Variants in ASB3 observed in about 807,000 individuals in gnomAD.
ASB3 encodes ankyrin repeat and SOCS box protein 3.
Under a neutral mutation model 54.5 loss-of-function variants are expected in ASB3, and 41 were observed. The observed-to-expected ratio is 0.75, with a 90% CI of 0.59 to 0.98. ASB3 has a LOEUF of 0.98. ASB3 is among the 50% of genes least tolerant of loss of function. The pLI is 0.00. For missense variants in ASB3, 733 were observed against 620.0 expected (o/e 1.18, Z -1.94); for synonymous variants, 266 against 221.2 (o/e 1.20, Z -1.80).
chr2:53,773,503 T>C lies in ASB3; in HGVS notation c.-13-7918A>G, dbSNP rs551862344. 4.9e-4 allele frequency among the ~76,000 whole-genome samples: 75 copies of C among 152,214 alleles called. No homozygotes were observed. The South Asian group carries it at 0.012, about 24-fold the overall frequency. ...TTGAGTTCAGTGGCATGATCTCGGC[T>C]CACTGCCACCTCTGCCACCCGGGTT... On this transcript the variant is annotated intron_variant, in intron 1 of 9. Transcript: ENST00000263634.
intron 1 of ASB3, among the ~76,000 whole-genome samples, chr2:53,766,434 T>C (rs185565166): frequency 9.8e-5 from 15 of 152,358 alleles, no homozygotes; most frequent in Middle Eastern, 3.4e-3. Flanking sequence ...GTTAATTTTC[T>C]CAGATGTGAT....
intron 9 of ASB3, among the ~76,000 whole-genome samples, chr2:53,676,893 C>T (rs748469052): frequency 3.3e-5 from 5 of 152,140 alleles, no homozygotes; most frequent in African/African-American, 4.8e-5. Context: ...CTCAGCCTCC[C>T]GAGTTGCTGG....
intron 1 of ASB3, among the ~76,000 whole-genome samples, chr2:53,782,108 T>A (rs923665038): frequency 6.6e-6 from 1 of 152,014 alleles, no homozygotes; most frequent in Non-Finnish European, 1.5e-5. Context: ...GCCCCAGAGG[T>A]TGGGATGGCA....
rs111311734 is a variant in ASB3, at chr2:53,763,581, A to C, written c.196+1796T>G. 1,249 of 169,488 alleles carry C rather than the reference A, an allele frequency of 7.4e-3. 27 individuals carry two copies. The highest frequency in any genetic ancestry group is 0.029 in the African/African-American group (1,191 of 41,642). 10.5% of individuals were successfully genotyped at this position (169,488 alleles called of 1,614,324 possible). On this transcript the variant is annotated intron_variant, in intron 2 of 9. Transcript: ENST00000263634. ...TGGTGTCCGTGGACATTTTGGGACCAATTCCCTGTGGATATGGCAGGACAA... is the reference window on the plus strand; with the variant it reads ...TGGTGTCCGTGGACATTTTGGGACCCATTCCCTGTGGATATGGCAGGACAA...
chr2:53,740,845 T>C (rs537321100), intron 3 of ASB3, among the ~76,000 whole-genome samples: 28 of 152,300 alleles, frequency 1.8e-4, no homozygotes, highest in African/African-American at 6.0e-4. Flanking sequence ...AATGAAAGTA[T>C]TAAAAGACAA....
chr2:53,753,288 G>C (rs1008607712), intron 2 of ASB3, among the ~76,000 whole-genome samples: 2 of 152,154 alleles, frequency 1.3e-5, no homozygotes, highest in Admixed American at 6.5e-5. Flanking sequence ...TCTAGGAGTA[G>C]AGATTAACAA....
intron 9 of ASB3, among the ~76,000 whole-genome samples, chr2:53,675,980 C>G (rs1038138276): frequency 9.9e-5 from 15 of 152,112 alleles, no homozygotes; most frequent in African/African-American, 3.4e-4. Flanking sequence ...CCTAAATCAA[C>G]AGAATTTTTA....
In ASB3 at chr2:53,670,402, A is replaced by G. The variant is rs556884882; in HGVS notation, c.*101T>C. The G allele has an allele frequency of 1.5e-6, 2 of 1,344,796 alleles. No individual in the cohort carries two copies. The highest frequency in any genetic ancestry group is 2.7e-5 in the East Asian group (1 of 37,150). The allele number at this position is 1,344,796 out of a possible 1,614,324, so 83.3% of individuals were successfully genotyped here. A position where few individuals can be genotyped will look rare whatever the true frequency, so the allele number is the denominator to read the frequency against. ...CTAACCTATCTCACAATCAATAATC[A>G]TCTTTTGACTATAAAATCATAAAAA... On this transcript the variant is annotated 3_prime_UTR_variant, in exon 10 of 10. Transcript: ENST00000263634.
chr2:53,766,724 G>C (rs1405804401), intron 1 of ASB3, among the ~76,000 whole-genome samples: 1 of 152,104 alleles, frequency 6.6e-6, no homozygotes, highest in African/African-American at 2.4e-5. Context: ...TTTCAAAAAA[G>C]AAGGGTTAGC....
At chr2:53,689,637 G>A (rs982135389) in intron 9 of ASB3, among the ~76,000 whole-genome samples, 4 of 152,074 alleles carry the variant, frequency 2.6e-5, no homozygotes, top group Non-Finnish European at 5.9e-5. Flanking sequence ...TTATCTTGAA[G>A]GGCATGTGAG....
chr2:53,683,206 G>T (rs1178349030), intron 9 of ASB3, among the ~76,000 whole-genome samples: 1 of 152,104 alleles, frequency 6.6e-6, no homozygotes, highest in African/African-American at 2.4e-5. Flanking sequence ...TATTTTTTCA[G>T]CATCAATTGA....
intron 2 of ASB3, among the ~76,000 whole-genome samples, chr2:53,765,125 C>T (rs1313029327): frequency 2.0e-5 from 3 of 152,170 alleles, no homozygotes; most frequent in Non-Finnish European, 2.9e-5. Context: ...CTACTTCTCC[C>T]ATATCACCTA....
chr2:53,769,429 A>G lies in ASB3; in HGVS notation c.-13-3844T>C, dbSNP rs111573652. Among the ~76,000 whole-genome samples the G allele has an allele frequency of 3.4e-3, 521 of 152,370 alleles. 5 individuals are homozygous for G. The highest frequency in any genetic ancestry group is 0.012 in the African/African-American group (500 of 41,588). On this transcript the variant is annotated intron_variant, in intron 1 of 9. Coordinates refer to ENST00000263634, the MANE Select transcript of ASB3 (RefSeq NM_016115.5). The stretch of plus-strand genomic sequence containing the variant: ...TTTATGTATGTGGCTATAACAACAT[A>G]CTTTACTAGTCTTGACGAAAATGTA...
rs1673585498 is a variant in ASB3, at chr2:53,767,836, C to T, written c.-13-2251G>A. On this transcript the variant is annotated intron_variant, in intron 1 of 9. Transcript: ENST00000263634. ...TACCGGAGGCTTCAGTCCCCGGCGG[C>T]GCGGCGACAGCTAGGGTTCACGGCC... 4.5e-6 allele frequency: 7 copies of T among 1,557,846 alleles called. No individual in the cohort carries two copies. In the South Asian group the frequency reaches 8.2e-5, roughly 18 times the overall value.
At chr2:53,679,888 C>G (rs764600762) in intron 9 of ASB3, among the ~76,000 whole-genome samples, 8 of 152,112 alleles carry the variant, frequency 5.3e-5, no homozygotes, top group African/African-American at 1.9e-4. Context: ...TCCTGGTCCT[C>G]TCCTTCCTTC....
intron 7 of ASB3, among the ~76,000 whole-genome samples, chr2:53,708,684 T>TAGAA (rs1669926478): frequency 1.3e-5 from 2 of 152,182 alleles, no homozygotes; most frequent in African/African-American, 4.8e-5. Flanking sequence ...TGACAAGGTC[T>TAGAA]CAGATGGAAA....
intron 7 of ASB3, among the ~76,000 whole-genome samples, chr2:53,711,225 G>A (rs2103818988): frequency 6.6e-6 from 1 of 152,258 alleles, no homozygotes; most frequent in South Asian, 2.1e-4. Context: ...CACAATTAGG[G>A]TATCCGCTTC....
At chr2:53,772,191 T>C (rs1055425643) in intron 1 of ASB3, among the ~76,000 whole-genome samples, 3 of 151,996 alleles carry the variant, frequency 2.0e-5, no homozygotes, top group Non-Finnish European at 4.4e-5. Flanking sequence ...GTGGGGTTTT[T>C]TGAGACAGAG....
intron 5 of ASB3, among the ~76,000 whole-genome samples, 172 bp from the exon 6 acceptor site, chr2:53,716,915 T>C (rs1670428702): frequency 6.6e-6 from 1 of 152,206 alleles, no homozygotes; most frequent in African/African-American, 2.4e-5. Context: ...TTCTTGGTAA[T>C]CATTTAAATT....
Sources: allele counts gnomAD v4.1 joint callset (sites outside exome capture counted in the v4.1 genomes callset), GRCh38; gene constraint gnomAD v4.1.1; transcripts MANE v1.5; gene names NCBI Gene and HGNC (gene_info 2026-07-23, HGNC 2026-07-21).